AKAP17A: variants seen among roughly 807,000 people sequenced by gnomAD.
AKAP17A encodes A-kinase anchoring protein 17A.
In AKAP17A, 15 loss-of-function variants were observed where a neutral mutation model predicts 52.2. The observed-to-expected ratio is 0.29, with a 90% CI of 0.19 to 0.44. The LOEUF (loss-of-function observed/expected upper bound fraction) is 0.44. Ranked by LOEUF, AKAP17A falls within the 20% of genes least tolerant of loss-of-function variation. The pLI is 1.00. For synonymous variants in AKAP17A, 514 were observed against 424.7 expected, an observed-to-expected ratio of 1.21 and a Z score of -2.58; for missense variants, 1,060 against 1,007.0, an observed-to-expected ratio of 1.05 and a Z score of -0.71.
chrX:1,601,260 AGGGCCG>A lies in AKAP17A; in HGVS notation c.1763_1768del (p.Gly588_Arg589del), dbSNP rs756758901. The A allele has an allele frequency of 1.2e-6, 2 of 1,613,416 alleles. No homozygotes were observed. The highest frequency in any genetic ancestry group is 3.3e-5 in the Admixed American group (2 of 60,012). On this transcript the variant is annotated inframe_deletion, in exon 5 of 5. Coordinates refer to ENST00000313871, the MANE Select transcript of AKAP17A (RefSeq NM_005088.3). ...GACAAGTGCAACCGGGAGCCCAGCA[AGGGCCG>A]GGGCCGGGCCACCGGAGACGGGCTT...
chrX:1,600,636 C>G (rs1184994424), intron 4 of AKAP17A, 23 bp from the exon 5 acceptor site: 2 of 1,515,634 alleles, frequency 1.3e-6, no homozygotes, highest in South Asian at 2.5e-5. Flanking sequence ...CCGGGCTCAG[C>G]TGCACTTTCC....
intron 3 of AKAP17A, among the ~76,000 whole-genome samples, chrX:1,597,635 G>A (rs1217129920): frequency 6.6e-6 from 1 of 151,944 alleles, no homozygotes; most frequent in Non-Finnish European, 1.5e-5. Flanking sequence ...TGTGGAGTGG[G>A]ACTCAGAGCC....
chrX:1,593,379 G>C (rs1283533484), intron 1 of AKAP17A, 65 bp from the exon 2 acceptor site: 86 of 1,510,660 alleles, frequency 5.7e-5, no homozygotes, highest in Non-Finnish European at 7.5e-5. Context: ...TGCTGGCTTG[G>C]CCCCTCCTCA....
intron 1 of AKAP17A, among the ~76,000 whole-genome samples, chrX:1,592,525 C>A (rs184603693): frequency 6.6e-6 from 1 of 151,944 alleles, no homozygotes; most frequent in Admixed American, 6.6e-5. Context: ...AGACTGGAGC[C>A]CCTCCCTGGT....
intron 3 of AKAP17A, among the ~76,000 whole-genome samples, chrX:1,598,246 GCATGCCCCGCCC>G (rs1933124690): frequency 6.6e-6 from 1 of 152,210 alleles, no homozygotes; most frequent in African/African-American, 2.4e-5. Flanking sequence ...CTGAGGACCT[GCATGCCCCGCCC>G]GGAGACCGTG....
In AKAP17A at chrX:1,599,887, C is replaced by G. The variant is rs1429351284; in HGVS notation, c.1152+455C>G. ...GCACAGAGGGGGCCTGCCGTGGGCC[C>G]GGGTCCCTCCTCCGCAGCGTGAACC... On this transcript the variant is annotated intron_variant, in intron 4 of 4. Coordinates refer to ENST00000313871, the MANE Select transcript of AKAP17A (RefSeq NM_005088.3). 16 of 568,740 alleles carry G rather than the reference C, an allele frequency of 2.8e-5. No individual in the cohort carries two copies. The East Asian group carries it at 4.8e-4, about 17-fold the overall frequency. 35.2% of individuals were successfully genotyped at this position (568,740 alleles called of 1,614,324 possible). A position where few individuals can be genotyped will look rare whatever the true frequency, so the allele number is the denominator to read the frequency against.
In AKAP17A at chrX:1,595,484, A is replaced by C. The variant is rs1361316698; in HGVS notation, c.863A>C (p.Gln288Pro). The change falls in exon 3 of 5, where the codon CAA becomes CCA. Residue 288 changes from glutamine to proline, a missense_variant. By Grantham distance (76) the Gln-to-Pro change is moderately conservative. Coordinates refer to ENST00000313871, the MANE Select transcript of AKAP17A (RefSeq NM_005088.3). ...GAACTGGAGCAGCAAAGAGAAGAAC[A>C]AAAGCGCAGAGAGAAGGAAGCGGAG... ...LQELEQQREE[Q>P]KRREKEAEER... The C allele has an allele frequency of 6.2e-7, 1 of 1,614,020 alleles. No individual in the cohort carries two copies. Among genetic ancestry groups the C allele is most frequent in the South Asian group, 1.1e-5 (1 of 91,076 alleles).
chrX:1,595,216 T>G (rs1304691241), intron 2 of AKAP17A, among the ~76,000 whole-genome samples, 168 bp from the exon 3 acceptor site: 1 of 150,602 alleles, frequency 6.6e-6, no homozygotes, highest in East Asian at 2.0e-4. Context: ...GTTTGGCTTC[T>G]GGGCTCCACT....
intron 1 of AKAP17A, among the ~76,000 whole-genome samples, 172 bp downstream of exon 1, chrX:1,591,941 CTG>C (rs1402574325): frequency 1.8e-5 from 2 of 110,008 alleles, no homozygotes; most frequent in African/African-American, 3.5e-5. Context: ...GCGCCTGAAA[CTG>C]TACGGGGGAA....
chrX:1,598,185 TGGGGCGGTGACAGCTCAC>T (rs1933119348), intron 3 of AKAP17A, among the ~76,000 whole-genome samples: 1 of 151,662 alleles, frequency 6.6e-6, no homozygotes, highest in Non-Finnish European at 1.5e-5. Flanking sequence ...TCCGAGCTCG[TGGGGCGGTGACAGCTCAC>T]AGGGCGGTTA....
Position 1,599,243 on chromosome X carries a change from G to A in AKAP17A, c.963G>A (p.Lys321=), listed in dbSNP as rs1359695969. The part of the protein sequence containing the change: ...ELERERKREE[K]LRKREQKQRD... Reference sequence around the variant, plus strand: ...AGCGAGAGAGGAAAAGAGAAGAGAAGCTTCGCAAGAGGGAGCAGAAGCAGA... The same window carrying A: ...AGCGAGAGAGGAAAAGAGAAGAGAAACTTCGCAAGAGGGAGCAGAAGCAGA... The change falls in exon 4 of 5, where the codon AAG becomes AAA. Residue 321 remains lysine (K), a synonymous_variant. Coordinates refer to ENST00000313871, the MANE Select transcript of AKAP17A (RefSeq NM_005088.3). 2 of 1,612,688 alleles carry A rather than the reference G, an allele frequency of 1.2e-6. No individual in the cohort carries two copies. Among genetic ancestry groups the A allele is most frequent in the Non-Finnish European group, 8.5e-7 (1 of 1,179,844 alleles).
chrX:1,599,427 G>C lies in AKAP17A; in HGVS notation c.1147G>C (p.Ala383Pro). 6.4e-7 allele frequency: 1 copy of C among 1,562,132 alleles called. No homozygotes were observed. Among genetic ancestry groups the C allele is most frequent in the Non-Finnish European group, 8.7e-7 (1 of 1,154,340 alleles). The change falls in exon 4 of 5, where the codon GCC (alanine) becomes CCC (proline). Residue 383 changes from alanine (A) to proline (P), a missense_variant. Coordinates refer to ENST00000313871, the MANE Select transcript of AKAP17A (RefSeq NM_005088.3). ...IRLIAELLSR[A>P]KAVKLREQEQ... The stretch of plus-strand genomic sequence containing the variant: ...GCTCATCGCCGAGCTGCTCAGCAGA[G>C]CCAAGGTACCCGGGGGCTCCCTCTG...
intron 3 of AKAP17A, 117 bp from the exon 4 acceptor site, chrX:1,599,075 T>A: frequency 6.8e-7 from 1 of 1,480,398 alleles, no homozygotes; most frequent in Non-Finnish European, 9.1e-7. Flanking sequence ...GATAAAGAGT[T>A]AAATGCTTAA....
chrX:1,595,258 CGGTGAG>C, intron 2 of AKAP17A, 120 bp from the exon 3 acceptor site: 1 of 215,866 alleles, frequency 4.6e-6, no homozygotes, highest in Non-Finnish European at 7.0e-6. Context: ...GAGTGGTGAG[CGGTGAG>C]CGGTGAGCGG....
chrX:1,594,424 G>A (rs1235578801), intron 2 of AKAP17A, among the ~76,000 whole-genome samples, 200 bp downstream of exon 2: 2 of 152,000 alleles, frequency 1.3e-5, no homozygotes, highest in Non-Finnish European at 2.9e-5. Flanking sequence ...TGTGGTTTTG[G>A]AAATTTGGTA....
At chrX:1,597,506 C>T (rs1477422968) in intron 3 of AKAP17A, among the ~76,000 whole-genome samples, 10 of 152,190 alleles carry the variant, frequency 6.6e-5, no homozygotes, top group South Asian at 2.1e-4. Flanking sequence ...CTGTGTCAGC[C>T]ACTGTCAGGC....
chrX:1,593,019 C>T (rs1318685562), intron 1 of AKAP17A, among the ~76,000 whole-genome samples: 1 of 152,166 alleles, frequency 6.6e-6, no homozygotes, highest in African/African-American at 2.4e-5. Flanking sequence ...CAGCTGTGCT[C>T]TCCCTGGCCC....
rs1319500172 is a variant in AKAP17A at position 1,593,555 on chromosome X, C to G, written c.93C>G (p.Thr31=). Residue 31 remains threonine, a synonymous_variant, in exon 2 of 5, where the codon ACC becomes ACG. Coordinates refer to ENST00000313871, the MANE Select transcript of AKAP17A (RefSeq NM_005088.3). The part of the protein sequence containing the change: ...GLYLKPITKM[T]ISVALPQLKQ... ...ACCTGAAGCCCATCACCAAGATGAC[C>G]ATCAGCGTGGCACTCCCGCAGCTGA... The G allele has an allele frequency of 1.2e-6, 2 of 1,613,724 alleles. No homozygotes were observed. Among genetic ancestry groups the G allele is most frequent in the Non-Finnish European group, 1.7e-6 (2 of 1,179,868 alleles).
Position 1,599,353 on chromosome X carries a change from T to C in AKAP17A, c.1073T>C (p.Leu358Pro), listed in dbSNP as rs1569353906. 1 of 1,595,914 alleles carries C rather than the reference T, an allele frequency of 6.3e-7. No individual in the cohort carries two copies. ...EQKQLQEKIK[L>P]EERKLLLAQR... ...AAGCAGCTGCAGGAGAAGATCAAGC[T>C]GGAGGAGCGCAAGCTGCTGCTGGCC... Residue 358 changes from leucine to proline, a missense_variant, in exon 4 of 5, where the codon CTG becomes CCG. Around this residue, in one of 2 missense-constraint regions of AKAP17A, gnomAD observed 793 missense variants for 629.9 expected, o/e 1.26. Transcript: ENST00000313871.
Sources: allele counts gnomAD v4.1 joint callset (sites outside exome capture counted in the v4.1 genomes callset), GRCh38; gene constraint gnomAD v4.1.1; regional missense constraint gnomAD v4.1.1; transcripts MANE v1.5; gene names NCBI Gene and HGNC (gene_info 2026-07-23, HGNC 2026-07-21).